The following KLHL1 variants were observed in gnomAD, a reference collection of about 807,000 sequenced individuals.
The protein encoded by KLHL1 is kelch like family member 1.
Under a neutral mutation model 77.7 loss-of-function variants are expected in KLHL1, and 47 were observed. The observed-to-expected ratio is 0.60, with a 90% CI of 0.48 to 0.77. KLHL1 has a LOEUF of 0.77. KLHL1 is among the 30% of genes least tolerant of loss of function. The pLI, the probability that KLHL1 is intolerant of heterozygous loss-of-function variation, is 0.00. For synonymous variants in KLHL1, 360 were observed against 325.2 expected, an observed-to-expected ratio of 1.11 and a Z score of -1.15; for missense variants, 925 against 910.8, an observed-to-expected ratio of 1.02 and a Z score of -0.20.
intron 1 of KLHL1, among the ~76,000 whole-genome samples, chr13:70,106,409 G>A (rs1888057211): frequency 6.6e-6 from 1 of 152,076 alleles, no homozygotes; most frequent in Non-Finnish European, 1.5e-5. Flanking sequence ...TAAAACTTGG[G>A]AGTTTTATGT....
intron 1 of KLHL1, among the ~76,000 whole-genome samples, chr13:70,089,879 G>A (rs906629145): frequency 2.0e-5 from 3 of 152,078 alleles, no homozygotes; most frequent in Non-Finnish European, 4.4e-5. Flanking sequence ...GGAATGGTGA[G>A]AGAGAAATTG....
At chr13:69,723,869 G>C (rs1873180137) in intron 8 of KLHL1, among the ~76,000 whole-genome samples, 1 of 144,288 alleles carries the variant, frequency 6.9e-6, no homozygotes, top group Non-Finnish European at 1.5e-5. Context: ...CTGAGACGGA[G>C]TCTTGCTTTT....
intron 1 of KLHL1, among the ~76,000 whole-genome samples, chr13:69,985,274 T>C (rs962044089): frequency 1.3e-5 from 2 of 151,832 alleles, no homozygotes; most frequent in Non-Finnish European, 2.9e-5. Flanking sequence ...AACAAGTCAA[T>C]AGCAGAAAAC....
intron 1 of KLHL1, among the ~76,000 whole-genome samples, chr13:70,095,571 A>G (rs1002355449): frequency 1.3e-5 from 2 of 152,156 alleles, no homozygotes; most frequent in African/African-American, 4.8e-5. Context: ...ACAGTTGTAC[A>G]TATTTATGAG....
chr13:70,065,982 G>T (rs1345154495), intron 1 of KLHL1, among the ~76,000 whole-genome samples: 1 of 152,094 alleles, frequency 6.6e-6, no homozygotes, highest in Non-Finnish European at 1.5e-5. Flanking sequence ...GATTATCTGG[G>T]GGAAATTAAG....
chr13:70,022,982 T>C (rs928570904), intron 1 of KLHL1, among the ~76,000 whole-genome samples: 3 of 151,946 alleles, frequency 2.0e-5, no homozygotes, highest in Non-Finnish European at 4.4e-5. Flanking sequence ...TTCGATCATG[T>C]CTTCCATATG....
At chr13:69,878,196 A>C (rs1455288882) in intron 5 of KLHL1, among the ~76,000 whole-genome samples, 2 of 152,196 alleles carry the variant, frequency 1.3e-5, no homozygotes, top group Non-Finnish European at 2.9e-5. Flanking sequence ...CCTTGCTATA[A>C]AAGTACTTAC....
Position 69,906,705 on chromosome 13 carries a change from C to T in KLHL1, c.1015-24210G>A, listed in dbSNP as rs537968683. 7.2e-5 allele frequency among the ~76,000 whole-genome samples: 11 copies of T among 151,906 alleles called. No homozygotes were observed. In the South Asian group the frequency reaches 1.9e-3, roughly 26 times the overall value. ...TAGAATAGCATGCTAACAAAAGAGA[C>T]AAAAATTTATATTCTGACTTTTCTA... On this transcript the variant is annotated intron_variant, in intron 4 of 10. Transcript: ENST00000377844.
chr13:69,956,101 A>C (rs1461463001), intron 3 of KLHL1, among the ~76,000 whole-genome samples: 3 of 140,416 alleles, frequency 2.1e-5, no homozygotes, highest in Non-Finnish European at 4.6e-5. Flanking sequence ...TATTTGATAT[A>C]TATATTTATA....
At chr13:70,073,408 T>C (rs1048478636) in intron 1 of KLHL1, among the ~76,000 whole-genome samples, 1 of 151,916 alleles carries the variant, frequency 6.6e-6, no homozygotes, top group African/African-American at 2.4e-5. Context: ...GGGCCTGTTG[T>C]GGGGTTCGGG....
At chr13:69,706,750 A>G (rs948143016) in intron 10 of KLHL1, among the ~76,000 whole-genome samples, 7 of 152,028 alleles carry the variant, frequency 4.6e-5, no homozygotes, top group African/African-American at 1.7e-4. Flanking sequence ...GAAAGTAAAG[A>G]GAAATCTAAT....
intron 5 of KLHL1, among the ~76,000 whole-genome samples, chr13:69,860,338 G>A (rs1401043466): frequency 6.6e-6 from 1 of 152,002 alleles, no homozygotes. Flanking sequence ...TTAAGCATGT[G>A]TGACTGACTC....
intron 1 of KLHL1, among the ~76,000 whole-genome samples, chr13:70,078,969 C>T (rs1409747998): frequency 6.6e-6 from 1 of 152,134 alleles, no homozygotes; most frequent in Non-Finnish European, 1.5e-5. Flanking sequence ...AAACTCTCAC[C>T]TCTTCCATTT....
intron 7 of KLHL1, among the ~76,000 whole-genome samples, chr13:69,782,203 GAACAGCTCCGGTCTACA>G (rs1566246329): frequency 6.6e-6 from 1 of 152,210 alleles, no homozygotes. Context: ...GGCCGAACAG[GAACAGCTCCGGTCTACA>G]GCTCCCAGCG....
intron 6 of KLHL1, among the ~76,000 whole-genome samples, chr13:69,798,022 A>C (rs80095526): frequency 0.035 from 5,310 of 152,228 alleles, 328 homozygotes; most frequent in African/African-American, 0.12. Flanking sequence ...ATTACTGGTG[A>C]GATTTGTTTT....
At chr13:69,955,823 T>C (rs1883847067) in intron 3 of KLHL1, among the ~76,000 whole-genome samples, 1 of 147,436 alleles carries the variant, frequency 6.8e-6, no homozygotes, top group Admixed American at 6.9e-5. Context: ...ATATTTGCTG[T>C]TATCAAAAAT....
chr13:69,724,468 G>A (rs893630804), intron 8 of KLHL1, among the ~76,000 whole-genome samples: 1 of 152,018 alleles, frequency 6.6e-6, no homozygotes, highest in Admixed American at 6.6e-5. Flanking sequence ...ATATATTGAA[G>A]ACAGAACACT....
At chr13:69,708,175 C>T (rs185997990) in intron 9 of KLHL1, among the ~76,000 whole-genome samples, 2 of 151,866 alleles carry the variant, frequency 1.3e-5, no homozygotes, top group African/African-American at 4.8e-5. Context: ...AATCTGGGAG[C>T]ATTGTGGAAT....
chr13:69,766,950 A>T (rs1875333570), intron 7 of KLHL1, among the ~76,000 whole-genome samples: 1 of 152,244 alleles, frequency 6.6e-6, no homozygotes, highest in Non-Finnish European at 1.5e-5. Context: ...ATATACTTTT[A>T]CATATTTGGT....
Sources: allele counts gnomAD v4.1 joint callset (sites outside exome capture counted in the v4.1 genomes callset), GRCh38; gene constraint gnomAD v4.1.1; transcripts MANE v1.5; gene names NCBI Gene and HGNC (gene_info 2026-07-23, HGNC 2026-07-21).